Variants in ATG3 observed in about 807,000 individuals in gnomAD.
ATG3 encodes the protein ubiquitin-like-conjugating enzyme ATG3.
ATG3 carries 25 observed loss-of-function variants against 50.7 expected under a neutral mutation model. The ratio of observed to expected loss-of-function variants is 0.49; its 90% CI spans 0.36 to 0.69. ATG3 has a LOEUF of 0.69. ATG3 is among the 30% of genes least tolerant of loss of function. ATG3 has a pLI of 0.00. For synonymous variants in ATG3, 119 were observed against 125.5 expected (o/e 0.95, Z 0.34); for missense variants, 281 against 376.0 (o/e 0.75, Z 2.09).
chr3:112,561,673 A>C lies in ATG3; in HGVS notation c.-145T>G. 9 of 776,890 alleles carry C rather than the reference A, an allele frequency of 1.2e-5. No individual in the cohort carries two copies. Among genetic ancestry groups the C allele is most frequent in the East Asian group, 3.0e-5 (1 of 33,014 alleles). The allele number at this position is 776,890 out of a possible 1,614,324, so 48.1% of individuals were successfully genotyped here. ...ACCCGAGGGGACGGGACGCGACGCG[A>C]CGGGACGGGCGGGACGAGGGGGCGG... On this transcript the variant is annotated 5_prime_UTR_variant, in exon 1 of 12. Coordinates refer to ENST00000283290, the MANE Select transcript of ATG3 (RefSeq NM_022488.5).
intron 2 of ATG3, among the ~76,000 whole-genome samples, chr3:112,556,756 T>C (rs1933693752): frequency 6.6e-6 from 1 of 151,964 alleles, no homozygotes; most frequent in Admixed American, 6.6e-5. Context: ...AAACATGTGC[T>C]GTGTCCACTC....
Position 112,541,851 on chromosome 3 carries a change from A to G in ATG3, c.427T>C (p.Cys143Arg), listed in dbSNP as rs771338345. Residue 143 changes from cysteine (C) to arginine (R), a missense_variant, in exon 7 of 12, where the codon TGT becomes CGT. Transcript: ENST00000283290. ...NIRLQDCSAL[C>R]EEEEDEDEGE... is the part of the protein sequence containing the mutation. ...TCATCTTCATCTTCTTCCTCTTCAC[A>G]TAGTGCTGAGCAATCTTGAAGCCTT... 6.2e-7 allele frequency: 1 copy of G among 1,612,584 alleles called. No individual in the cohort carries two copies. The highest frequency in any genetic ancestry group is 8.5e-7 in the Non-Finnish European group (1 of 1,179,690).
At chr3:112,557,812 T>A (rs1017416634) in intron 2 of ATG3, among the ~76,000 whole-genome samples, 1 of 150,746 alleles carries the variant, frequency 6.6e-6, no homozygotes, top group Non-Finnish European at 1.5e-5. Flanking sequence ...GGTGTTTTCA[T>A]TGGCAGAAAA....
chr3:112,533,573 A>G lies in ATG3; in HGVS notation c.863+696T>C, dbSNP rs1020218735. 5 of 985,260 alleles carry G rather than the reference A, an allele frequency of 5.1e-6. No homozygotes were observed. In the African/African-American group the frequency reaches 7.0e-5, roughly 14 times the overall value. The allele number at this position is 985,260 out of a possible 1,614,324, so 61.0% of individuals were successfully genotyped here. A position where few individuals can be genotyped will look rare whatever the true frequency, so the allele number is the denominator to read the frequency against. Reference sequence around the variant, plus strand: ...AGTCTCCACATCTAATCTAACACATAGTAGCCGAAACCACCACCAAGTCAA... The same window carrying G: ...AGTCTCCACATCTAATCTAACACATGGTAGCCGAAACCACCACCAAGTCAA... On this transcript the variant is annotated intron_variant, in intron 11 of 11. Transcript: ENST00000283290.
rs780806164 is a variant in ATG3, at chr3:112,541,791, G to C, written c.475+12C>G. On this transcript the variant is annotated intron_variant, in intron 7 of 11. Transcript: ENST00000283290. ...TTCTAGTGGAACTGAAGCAAATCTA[G>C]AACAGGAATACCTTCCATATCTGCA... 108 of 1,600,398 alleles carry C rather than the reference G, an allele frequency of 6.7e-5. No individual in the cohort carries two copies. Among genetic ancestry groups the C allele is most frequent in the Non-Finnish European group, 8.9e-5 (104 of 1,171,080 alleles).
chr3:112,553,351 T>C (rs1184697165), intron 2 of ATG3, 22 bp from the exon 3 acceptor site: 2 of 1,608,602 alleles, frequency 1.2e-6, no homozygotes, highest in East Asian at 4.5e-5. Context: ...TTAAAAGTAA[T>C]ATGAAAAAAA....
chr3:112,542,576 CAT>C (rs1195021959), intron 6 of ATG3, among the ~76,000 whole-genome samples: 1 of 151,982 alleles, frequency 6.6e-6, no homozygotes, highest in African/African-American at 2.4e-5. Context: ...AAACTTAAGT[CAT>C]ATGTTTAAAA....
intron 6 of ATG3, among the ~76,000 whole-genome samples, chr3:112,542,580 T>C (rs1933261862): frequency 6.6e-6 from 1 of 152,112 alleles, no homozygotes; most frequent in East Asian, 1.9e-4. Context: ...TTAAGTCATA[T>C]GTTTAAAACT....
intron 11 of ATG3, 103 bp from the exon 12 acceptor site, chr3:112,532,883 A>C (rs1460786564): frequency 2.3e-6 from 3 of 1,332,360 alleles, no homozygotes; most frequent in African/African-American, 3.0e-5. Context: ...TCTCAAAAAA[A>C]CCCCACAAAA....
chr3:112,533,043 TA>T, intron 11 of ATG3: 1 of 1,092,664 alleles, frequency 9.2e-7, no homozygotes. Flanking sequence ...TACTTTGACA[TA>T]AAAAGGACAA....
chr3:112,541,766 T>C (rs527512699), intron 7 of ATG3, 37 bp downstream of exon 7: 3 of 1,506,066 alleles, frequency 2.0e-6, no homozygotes, highest in East Asian at 4.5e-5. Context: ...TAAATCAATA[T>C]TCTAGTGGAA....
At chr3:112,535,085 GA>G (rs915299750) in intron 10 of ATG3, 1 of 151,980 alleles carries the variant, frequency 6.6e-6, no homozygotes, top group African/African-American at 2.4e-5. Flanking sequence ...CTGTACTATA[GA>G]AAAGAGTGAT....
chr3:112,538,231 T>C (rs1025342108), intron 7 of ATG3, 51 bp from the exon 8 acceptor site: 25 of 1,406,486 alleles, frequency 1.8e-5, no homozygotes, highest in Non-Finnish European at 2.4e-5. Context: ...TCAAGAAAAT[T>C]CCCTAAACCA....
rs1320075873 is a variant in ATG3 at position 112,534,256 on chromosome 3, C to T, written c.863+13G>A. 1.3e-6 allele frequency: 2 copies of T among 1,594,542 alleles called. No individual in the cohort carries two copies. The highest frequency in any genetic ancestry group is 1.7e-5 in the Admixed American group (1 of 57,502). On this transcript the variant is annotated intron_variant, in intron 11 of 11. Transcript: ENST00000283290. ...GCCATTTTGCCACTAATCTTACATA[C>T]AGGGAAGGATACATATGAACTCCAA...
chr3:112,552,094 T>C (rs1159421522), intron 3 of ATG3, among the ~76,000 whole-genome samples: 1 of 152,188 alleles, frequency 6.6e-6, no homozygotes, highest in Non-Finnish European at 1.5e-5. Flanking sequence ...AATTGGAAAC[T>C]TATTAATTAT....
intron 8 of ATG3, 74 bp downstream of exon 8, chr3:112,538,070 AAT>A: frequency 1.6e-6 from 2 of 1,282,878 alleles, no homozygotes; most frequent in East Asian, 2.4e-5. Context: ...TTGAAAGATC[AAT>A]ATATTATTAG....
intron 1 of ATG3, among the ~76,000 whole-genome samples, chr3:112,560,055 A>G (rs1933805975): frequency 2.0e-5 from 3 of 152,204 alleles, no homozygotes; most frequent in Non-Finnish European, 2.9e-5. Flanking sequence ...ATACATACTG[A>G]CATGCCAACA....
At chr3:112,554,876 T>C (rs1019389564) in intron 2 of ATG3, among the ~76,000 whole-genome samples, 3 of 152,222 alleles carry the variant, frequency 2.0e-5, no homozygotes, top group African/African-American at 7.2e-5. Flanking sequence ...ATAGAAACTT[T>C]ATGTTTCTGT....
chr3:112,532,821 T>C (rs771968732), intron 11 of ATG3, 41 bp from the exon 12 acceptor site: 4 of 1,543,458 alleles, frequency 2.6e-6, no homozygotes, highest in Non-Finnish European at 2.6e-6. Context: ...TTGTAAATAG[T>C]TCTATGTTTT....
Sources: gnomAD v4.1 joint callset for allele counts (sites outside exome capture counted in the v4.1 genomes callset) on GRCh38, gnomAD v4.1.1 for gene constraint, MANE v1.5 for transcripts, NCBI Gene and HGNC (gene_info 2026-07-23, HGNC 2026-07-21) for gene names.